The following RANBP2 variants were observed in gnomAD, a reference collection of about 807,000 sequenced individuals.
RANBP2 encodes E3 SUMO-protein ligase RanBP2.
A neutral mutation model predicts 303.6 loss-of-function variants in RANBP2; 57 were observed. The observed-to-expected ratio is 0.19, with a 90% CI of 0.15 to 0.23. RANBP2 has a LOEUF of 0.23. Ranked by LOEUF, RANBP2 falls within the 10% of genes least tolerant of loss-of-function variation. The pLI, the probability that RANBP2 is intolerant of heterozygous loss-of-function variation, is 1.00. For synonymous variants in RANBP2, 1,167 were observed against 1,301.5 expected (o/e 0.90, Z 2.23); for missense variants, 3,138 against 3,780.8 (o/e 0.83, Z 4.46).
At chr2:108,738,863 C>G (rs1695838746) in intron 6 of RANBP2, among the ~76,000 whole-genome samples, 2 of 151,058 alleles carry the variant, frequency 1.3e-5, no homozygotes. Flanking sequence ...CTCCTGACCT[C>G]AGGTGATCCA....
the RANBP2 span, among the ~76,000 whole-genome samples, chr2:109,081,637 C>T: frequency 2.0e-4 from 31 of 152,312 alleles, no homozygotes; most frequent in African/African-American, 7.2e-4. Context: ...CTCTGAACCT[C>T]TCCTGCAAGG....
intron 7 of RANBP2, among the ~76,000 whole-genome samples, chr2:108,746,240 C>G (rs1209745918): frequency 1.7e-5 from 2 of 120,758 alleles, no homozygotes; most frequent in Non-Finnish European, 3.3e-5. Context: ...TGCGATGGAG[C>G]CTCGCTCTTT....
the RANBP2 span, among the ~76,000 whole-genome samples, chr2:109,078,198 G>GTGTATA: frequency 2.4e-5 from 1 of 41,780 alleles, no homozygotes; most frequent in Non-Finnish European, 5.3e-5. Flanking sequence ...TATATATAGC[G>GTGTATA]TATATATATA....
the RANBP2 span, among the ~76,000 whole-genome samples, chr2:109,334,963 C>T: frequency 6.6e-6 from 1 of 152,224 alleles, no homozygotes; most frequent in Non-Finnish European, 1.5e-5. Flanking sequence ...GCGTGCCTTC[C>T]CAGGCCATGC....
the RANBP2 span, among the ~76,000 whole-genome samples, chr2:109,457,865 C>T: frequency 2.0e-5 from 3 of 152,166 alleles, no homozygotes; most frequent in Non-Finnish European, 2.9e-5. Flanking sequence ...CAGACCCAGC[C>T]GTCTGTCCCT....
At chr2:109,192,648 A>G in the RANBP2 span, among the ~76,000 whole-genome samples, 1 of 152,218 alleles carries the variant, frequency 6.6e-6, no homozygotes, top group East Asian at 1.9e-4. Context: ...GGTAATGCAA[A>G]TAGGCCTTCC....
chr2:109,135,934 T>A, the RANBP2 span, among the ~76,000 whole-genome samples: 19 of 152,298 alleles, frequency 1.2e-4, no homozygotes, highest in Admixed American at 1.2e-3. Flanking sequence ...ATAATCCTGC[T>A]CAGTTGCTGA....
the RANBP2 span, among the ~76,000 whole-genome samples, chr2:109,536,299 G>C: frequency 6.6e-6 from 1 of 152,202 alleles, no homozygotes; most frequent in Non-Finnish European, 1.5e-5. Context: ...AAAGCCACAA[G>C]GGCAGAGCTG....
the RANBP2 span, among the ~76,000 whole-genome samples, chr2:109,540,531 T>C: frequency 2.0e-5 from 3 of 152,036 alleles, no homozygotes; most frequent in Admixed American, 1.3e-4. Flanking sequence ...TCTCTTAATA[T>C]ACTGAAAATA....
chr2:109,574,918 T>G, the RANBP2 span: 2 of 465,892 alleles, frequency 4.3e-6, no homozygotes, highest in East Asian at 7.0e-5. Context: ...TAAAAAAATG[T>G]GCAGAACATG....
chr2:109,156,695 G>A, the RANBP2 span, among the ~76,000 whole-genome samples: 2 of 152,010 alleles, frequency 1.3e-5, no homozygotes, highest in Non-Finnish European at 2.9e-5. Flanking sequence ...ATCTCGCCTC[G>A]GCCTCCCAAA....
At chr2:109,022,159 T>G in the RANBP2 span, among the ~76,000 whole-genome samples, 18 of 152,304 alleles carry the variant, frequency 1.2e-4, no homozygotes, top group African/African-American at 4.3e-4. Flanking sequence ...TTAGCCTGTA[T>G]CCAGGGGCAG....
the RANBP2 span, among the ~76,000 whole-genome samples, chr2:109,238,449 T>TTGTGTGTGTGTGTGTG: frequency 1.4e-5 from 2 of 142,604 alleles, no homozygotes; most frequent in African/African-American, 2.6e-5. Context: ...TTATGTATAT[T>TTGTGTGTGTGTGTGTG]TGTGTGTGTG....
At chr2:109,178,809 C>G in the RANBP2 span, among the ~76,000 whole-genome samples, 1 of 152,068 alleles carries the variant, frequency 6.6e-6, no homozygotes, top group Non-Finnish European at 1.5e-5. Context: ...GTTTAATGAG[C>G]AAAATAATTG....
the RANBP2 span, among the ~76,000 whole-genome samples, chr2:109,407,307 A>C: frequency 9.2e-5 from 14 of 152,220 alleles, no homozygotes; most frequent in Non-Finnish European, 1.9e-4. Flanking sequence ...GAAATTCAGC[A>C]GGGAGAACAT....
the RANBP2 span, among the ~76,000 whole-genome samples, chr2:109,404,618 G>A: frequency 6.6e-6 from 1 of 152,142 alleles, no homozygotes; most frequent in African/African-American, 2.4e-5. Flanking sequence ...CAGGGCCTGG[G>A]CAGGTGGGGT....
chr2:109,038,041 G>T, the RANBP2 span, among the ~76,000 whole-genome samples: 1 of 152,190 alleles, frequency 6.6e-6, no homozygotes, highest in African/African-American at 2.4e-5. Context: ...CTATCTCACT[G>T]TGTAGCTACA....
chr2:109,019,328 C>T, the RANBP2 span, among the ~76,000 whole-genome samples: 3 of 152,218 alleles, frequency 2.0e-5, no homozygotes, highest in Admixed American at 6.5e-5. Flanking sequence ...GTGTGCTGAG[C>T]TCCAGGGACT....
the RANBP2 span, among the ~76,000 whole-genome samples, chr2:109,629,173 G>A: frequency 2.7e-5 from 4 of 150,006 alleles, no homozygotes; most frequent in African/African-American, 7.4e-5. Flanking sequence ...CTGCACTCTG[G>A]CCTGGGCGAC....
Sources: allele counts gnomAD v4.1 joint callset (sites outside exome capture counted in the v4.1 genomes callset), GRCh38; gene constraint gnomAD v4.1.1; transcripts MANE v1.5; gene names NCBI Gene and HGNC (gene_info 2026-07-23, HGNC 2026-07-21).